SMYD3: variants seen among roughly 807,000 people sequenced by gnomAD.
SMYD3 encodes SET and MYND domain containing 3.
SMYD3 carries 36 observed loss-of-function variants against 57.7 expected under a neutral mutation model. That is an observed-to-expected ratio of 0.62 (90% confidence interval 0.48 to 0.82). SMYD3 has a LOEUF of 0.82. Ranked by LOEUF, SMYD3 falls within the 40% of genes least tolerant of loss-of-function variation. The pLI is 0.00. For synonymous variants in SMYD3, 211 were observed against 195.0 expected, an observed-to-expected ratio of 1.08 and a Z score of -0.68; for missense variants, 515 against 538.8, an observed-to-expected ratio of 0.96 and a Z score of 0.44.
chr1:246,427,565 T>C (rs935047632), intron 1 of SMYD3, among the ~76,000 whole-genome samples: 3 of 151,652 alleles, frequency 2.0e-5, no homozygotes, highest in African/African-American at 7.3e-5. Context: ...ATACATACAT[T>C]TAAGAAAGAT....
At chr1:246,380,422 C>G (rs1380825230) in intron 1 of SMYD3, among the ~76,000 whole-genome samples, 1 of 152,172 alleles carries the variant, frequency 6.6e-6, no homozygotes, top group Non-Finnish European at 1.5e-5. Context: ...TATTTCCCCC[C>G]AGAGAAAATG....
rs2061998077 is a variant in SMYD3 at position 246,154,807 on chromosome 1, A to G, written c.531+172394T>C. ...GTTTTTTGTTTTTTTTTTGAGATGG[A>G]GTCTCACTCTGTCGCCCAGGCTGGA... is the stretch of plus-strand genomic sequence containing the variant. On this transcript the variant is annotated intron_variant, in intron 5 of 11. Transcript: ENST00000490107. Among the ~76,000 whole-genome samples the G allele has an allele frequency of 4.7e-5, 7 of 148,114 alleles. 1 individual carries two copies. In the South Asian group the frequency reaches 1.5e-3, roughly 32 times the overall value.
chr1:246,457,532 C>CAAAA (rs59617511), intron 1 of SMYD3, among the ~76,000 whole-genome samples: 11 of 82,406 alleles, frequency 1.3e-4, no homozygotes, highest in Admixed American at 1.6e-4. Context: ...GACTCTGCCT[C>CAAAA]AAAAAAAAAA....
chr1:246,009,568 T>G (rs571977510), intron 5 of SMYD3, among the ~76,000 whole-genome samples: 1 of 148,318 alleles, frequency 6.7e-6, no homozygotes, highest in Non-Finnish European at 1.5e-5. Flanking sequence ...CAATACTGGT[T>G]TGTGTATATA....
chr1:246,248,153 T>C (rs1035053146), intron 5 of SMYD3, among the ~76,000 whole-genome samples: 2 of 152,156 alleles, frequency 1.3e-5, no homozygotes, highest in African/African-American at 2.4e-5. Flanking sequence ...TTGGAGGAAA[T>C]TGTTTCATAA....
At chr1:245,908,651 A>C (rs2054748607) in intron 8 of SMYD3, among the ~76,000 whole-genome samples, 1 of 152,260 alleles carries the variant, frequency 6.6e-6, no homozygotes, top group Non-Finnish European at 1.5e-5. Context: ...ACTGCAATGA[A>C]ATAAAACTAG....
intron 1 of SMYD3, among the ~76,000 whole-genome samples, chr1:246,492,924 G>A (rs536444891): frequency 6.6e-6 from 1 of 152,278 alleles, no homozygotes; most frequent in African/African-American, 2.4e-5. Flanking sequence ...CTCAATTCAA[G>A]GGTTTAATCC....
chr1:246,384,430 C>T (rs1044072913), intron 1 of SMYD3, among the ~76,000 whole-genome samples: 2 of 151,944 alleles, frequency 1.3e-5, no homozygotes, highest in African/African-American at 2.4e-5. Flanking sequence ...GAGTCTCACT[C>T]TGTCGCCCAA....
At chr1:246,337,723 A>G (rs2065567781) in intron 2 of SMYD3, among the ~76,000 whole-genome samples, 1 of 152,176 alleles carries the variant, frequency 6.6e-6, no homozygotes, top group African/African-American at 2.4e-5. Context: ...GAGGCAAAAG[A>G]CCTTAAGAGC....
chr1:246,372,821 G>A (rs1337904469), intron 1 of SMYD3, among the ~76,000 whole-genome samples: 1 of 152,178 alleles, frequency 6.6e-6, no homozygotes, highest in African/African-American at 2.4e-5. Flanking sequence ...AAGGGAGTTA[G>A]AATGTATAAG....
chr1:245,836,219 T>C (rs2050099358), intron 10 of SMYD3, among the ~76,000 whole-genome samples: 1 of 152,108 alleles, frequency 6.6e-6, no homozygotes, highest in Non-Finnish European at 1.5e-5. Flanking sequence ...TTGAAGAGGA[T>C]GAGAGAAAAT....
At chr1:246,264,333 T>G (rs2064065217) in intron 5 of SMYD3, among the ~76,000 whole-genome samples, 1 of 152,168 alleles carries the variant, frequency 6.6e-6, no homozygotes, top group South Asian at 2.1e-4. Flanking sequence ...ACAGCAGTGC[T>G]AAAAATATGG....
chr1:246,249,827 T>C (rs1191868831), intron 5 of SMYD3, among the ~76,000 whole-genome samples: 1 of 152,236 alleles, frequency 6.6e-6, no homozygotes, highest in Non-Finnish European at 1.5e-5. Flanking sequence ...TTAGATACAA[T>C]GTTCTCCAAA....
chr1:245,805,020 C>G (rs2048072220), intron 10 of SMYD3, among the ~76,000 whole-genome samples: 1 of 152,096 alleles, frequency 6.6e-6, no homozygotes, highest in Non-Finnish European at 1.5e-5. Context: ...CATTTCATAT[C>G]AAAACTTCAA....
intron 5 of SMYD3, among the ~76,000 whole-genome samples, chr1:246,280,773 G>C (rs758418627): frequency 3.3e-5 from 5 of 152,016 alleles, no homozygotes; most frequent in African/African-American, 1.2e-4. Flanking sequence ...ACCCCTGCTG[G>C]CCTCATCTTT....
chr1:245,917,816 G>A (rs2055557465), intron 7 of SMYD3, among the ~76,000 whole-genome samples: 1 of 152,148 alleles, frequency 6.6e-6, no homozygotes, highest in Non-Finnish European at 1.5e-5. Flanking sequence ...GAAGACTTTG[G>A]CAGAGCAAGA....
At chr1:246,373,071 T>C (rs2148733482) in intron 1 of SMYD3, among the ~76,000 whole-genome samples, 1 of 152,232 alleles carries the variant, frequency 6.6e-6, no homozygotes, top group South Asian at 2.1e-4. Flanking sequence ...TCATATCACA[T>C]ATACATTGTA....
At chr1:246,467,163 C>A (rs1333838890) in intron 1 of SMYD3, among the ~76,000 whole-genome samples, 3 of 151,732 alleles carry the variant, frequency 2.0e-5, no homozygotes, top group African/African-American at 7.3e-5. Flanking sequence ...GAGTGAGACT[C>A]CATCTCAAAA....
chr1:246,400,917 T>C (rs1241768583), intron 1 of SMYD3, among the ~76,000 whole-genome samples: 1 of 152,186 alleles, frequency 6.6e-6, no homozygotes, highest in Non-Finnish European at 1.5e-5. Context: ...AAGAAATTAC[T>C]TTATTCCTAC....
Sources: gnomAD v4.1 joint callset for allele counts (sites outside exome capture counted in the v4.1 genomes callset) on GRCh38, gnomAD v4.1.1 for gene constraint, MANE v1.5 for transcripts, NCBI Gene and HGNC (gene_info 2026-07-23, HGNC 2026-07-21) for gene names.